Variants in TTLL6 observed in about 807,000 individuals in gnomAD.
The protein encoded by TTLL6 is tubulin tyrosine ligase like 6, also known as tubulin polyglutamylase TTLL6.
TTLL6 carries 75 observed loss-of-function variants against 96.4 expected under a neutral mutation model. The observed-to-expected ratio is 0.78, with a 90% CI of 0.65 to 0.94. TTLL6 has a LOEUF of 0.94. Among genes scored for constraint, TTLL6 ranks in the 40% least tolerant of loss-of-function variants. The pLI is 0.00. For synonymous variants in TTLL6, 411 were observed against 419.4 expected (o/e 0.98, Z 0.24); for missense variants, 1,030 against 1,093.0 (o/e 0.94, Z 0.81).
At position 48,798,124 on chromosome 17, in the gene TTLL6, T is replaced by C. The variant is rs550112674; in HGVS notation, c.769-920A>G. Among the ~76,000 whole-genome samples the C allele has an allele frequency of 2.0e-5, 3 of 149,358 alleles. No individual in the cohort carries two copies. In the East Asian group the frequency reaches 6.1e-4, roughly 30 times the overall value. Reference sequence around the variant, plus strand: ...CCCTGTCTCAAAAAAAATAAATAGATAAAAATTCTTTGATAGGCCAGGTGC... The same window carrying C: ...CCCTGTCTCAAAAAAAATAAATAGACAAAAATTCTTTGATAGGCCAGGTGC... On this transcript the variant is annotated intron_variant, in intron 6 of 15. Transcript: ENST00000393382.
At position 48,804,991 on chromosome 17, in the gene TTLL6, C is replaced by A; in HGVS notation, c.104G>T (p.Gly35Val). 6.4e-7 allele frequency: 1 copy of A among 1,550,984 alleles called. No homozygotes were observed. Among genetic ancestry groups the A allele is most frequent in the Admixed American group, 2.0e-5 (1 of 50,994 alleles). The change falls in exon 2 of 16, where the codon GGG becomes GTG. Residue 35 changes from glycine to valine, a missense_variant and splice_region_variant. Physicochemically the swap from Gly to Val is moderately radical, Grantham distance 109 (BLOSUM62 -3). Coordinates refer to ENST00000393382, the MANE Select transcript of TTLL6 (RefSeq NM_001130918.3). ...GGAGGCTCTGGGGAAATACCAGGCC[C>A]CTAGAGAGAGGGCAGAGGGAGCCGC... ...AGRDGGVGIA[G>V]AWYFPRASSQ...
In TTLL6 at chr17:48,801,605, C is replaced by T; in HGVS notation, c.400G>A (p.Gly134Arg). The T allele has an allele frequency of 6.4e-7, 1 of 1,551,778 alleles. No homozygotes were observed. The highest frequency in any genetic ancestry group is 8.7e-7 in the Non-Finnish European group (1 of 1,147,012). Residue 134 changes from glycine to arginine, a missense_variant, in exon 4 of 16, where the codon GGG becomes AGG. Physicochemically the swap from Gly to Arg is moderately radical, Grantham distance 125 (BLOSUM62 -2). Transcript: ENST00000393382. ...AAQQYGFREG[G>R]EDDDWTLYWT... ...TAGAGAGTCCAGTCATCGTCTTCCC[C>T]TCCCTCTCTAAAGCCGTACTGTTGG...
At chr17:48,782,798 C>T (rs1231491257) in intron 13 of TTLL6, among the ~76,000 whole-genome samples, 1 of 152,008 alleles carries the variant, frequency 6.6e-6, no homozygotes, top group Non-Finnish European at 1.5e-5. Flanking sequence ...ATTGCAACCT[C>T]CGCCTCCTGG....
At position 48,811,605 on chromosome 17, in the gene TTLL6, G is replaced by A. The variant is rs561191460; in HGVS notation, c.103+5365C>T. ...TATATGCCTGACCCTATAGACATCT[G>A]AATTTATACCAGTTCTGCTCTAGTA... On this transcript the variant is annotated intron_variant, in intron 1 of 15. Transcript: ENST00000393382. Among the ~76,000 whole-genome samples, 464 of 151,388 alleles carry A rather than the reference G, an allele frequency of 3.1e-3. 2 individuals carry two copies. Among genetic ancestry groups the A allele is most frequent in the African/African-American group, 0.011 (444 of 41,284 alleles).
chr17:48,816,975 A>C lies in TTLL6; in HGVS notation c.98T>G (p.Ile33Ser), dbSNP rs1254723015. The part of the protein sequence containing the change: ...SPAGRDGGVG[I>S]AGAWYFPRAS... ...GGGCTTTGGGGCGCTCTTACCCGCAATTCCTACTCCCCCGTCTCGCCCCGC... is the reference window on the plus strand; with the variant it reads ...GGGCTTTGGGGCGCTCTTACCCGCACTTCCTACTCCCCCGTCTCGCCCCGC... The change falls in exon 1 of 16, where the codon ATT (isoleucine) becomes AGT (serine). Residue 33 changes from isoleucine to serine, a missense_variant. Transcript: ENST00000393382. 6.5e-7 allele frequency: 1 copy of C among 1,533,728 alleles called. No homozygotes were observed. Among genetic ancestry groups the C allele is most frequent in the Admixed American group, 2.0e-5 (1 of 49,018 alleles).
At chr17:48,767,695 A>G (rs1337455417) in intron 15 of TTLL6, among the ~76,000 whole-genome samples, 1 of 152,166 alleles carries the variant, frequency 6.6e-6, no homozygotes, top group Non-Finnish European at 1.5e-5. Flanking sequence ...TTAATTCCAC[A>G]GCTCTATGTT....
chr17:48,800,745 C>T (rs192455609), intron 5 of TTLL6, among the ~76,000 whole-genome samples: 8 of 152,202 alleles, frequency 5.3e-5, no homozygotes, highest in Non-Finnish European at 5.9e-5. Flanking sequence ...TCCTGTTCCT[C>T]GGTGGTGTGG....
At chr17:48,798,356 C>T (rs1371896227) in intron 6 of TTLL6, among the ~76,000 whole-genome samples, 2 of 152,126 alleles carry the variant, frequency 1.3e-5, no homozygotes, top group Non-Finnish European at 2.9e-5. Context: ...CACTTGAGGT[C>T]AGGAGTTTGA....
At chr17:48,797,014 A>C in intron 7 of TTLL6, 47 bp downstream of exon 7, 1 of 1,450,474 alleles carries the variant, frequency 6.9e-7, no homozygotes, top group Admixed American at 2.7e-5. Flanking sequence ...TTTTTTTTTT[A>C]ATCACGCTAT....
chr17:48,801,188 C>G (rs2143440292), intron 5 of TTLL6, 67 bp downstream of exon 5: 1 of 1,450,868 alleles, frequency 6.9e-7, no homozygotes. Flanking sequence ...ACCAGGGAAT[C>G]GGGGGCAAGA....
chr17:48,801,424 A>G (rs1412196135), intron 4 of TTLL6, 39 bp from the exon 5 acceptor site: 1 of 1,551,428 alleles, frequency 6.4e-7, no homozygotes, highest in Admixed American at 2.0e-5. Context: ...ATCGAGGGAC[A>G]TGGGAGTACT....
rs1350640971 is a variant in TTLL6, at chr17:48,762,703, T to C, written c.*271A>G. ...TGTGAAGAACCCAGAGAAGTGCCACTGGTACGGCAACTGGAGTGTGTCCTG... is the reference window on the plus strand; with the variant it reads ...TGTGAAGAACCCAGAGAAGTGCCACCGGTACGGCAACTGGAGTGTGTCCTG... On this transcript the variant is annotated 3_prime_UTR_variant, in exon 16 of 16. Coordinates refer to ENST00000393382, the MANE Select transcript of TTLL6 (RefSeq NM_001130918.3). The C allele has an allele frequency of 3.8e-6, 1 of 266,364 alleles. No individual in the cohort carries two copies. Among genetic ancestry groups the C allele is most frequent in the Non-Finnish European group, 7.4e-6 (1 of 134,602 alleles). 16.5% of individuals were successfully genotyped at this position (266,364 alleles called of 1,614,324 possible).
chr17:48,784,952 A>G lies in TTLL6; in HGVS notation c.2011T>C (p.Ser671Pro). The change falls in exon 13 of 16, where the codon TCT becomes CCT. Residue 671 changes from serine (S) to proline (P), a missense_variant. Coordinates refer to ENST00000393382, the MANE Select transcript of TTLL6 (RefSeq NM_001130918.3). ...NFSIKEAKSASAVNVFTGTVH... is the reference protein window; with the variant it reads ...NFSIKEAKSAPAVNVFTGTVH... ...GTGCCAGTGAATACGTTCACTGCAG[A>G]GGCAGACTTGGCCTCCTTGATGCTG... 17 of 1,614,142 alleles carry G rather than the reference A, an allele frequency of 1.1e-5. No individual in the cohort carries two copies. The highest frequency in any genetic ancestry group is 1.4e-5 in the Non-Finnish European group (16 of 1,180,024).
intron 15 of TTLL6, among the ~76,000 whole-genome samples, chr17:48,767,614 C>T (rs952076209): frequency 6.6e-6 from 1 of 152,156 alleles, no homozygotes; most frequent in African/African-American, 2.4e-5. Context: ...GTAAGCTTTG[C>T]GTGGCAGGGT....
rs769859922 is a variant in TTLL6 at position 48,771,645 on chromosome 17, A to T, written c.2041-1548T>A. ...AGACCCTGACTAAAATATATATATA[A>T]AATGTGTATATATACACATTAGTGT... On this transcript the variant is annotated intron_variant, in intron 13 of 15. Coordinates refer to ENST00000393382, the MANE Select transcript of TTLL6 (RefSeq NM_001130918.3). 3.4e-5 allele frequency among the ~76,000 whole-genome samples: 5 copies of T among 148,256 alleles called. No individual in the cohort carries two copies. The South Asian group carries it at 6.3e-4, about 19-fold the overall frequency.
chr17:48,787,907 G>A lies in TTLL6; in HGVS notation c.1493C>T (p.Pro498Leu). The change falls in exon 11 of 16, where the codon CCC (proline) becomes CTC (leucine). Residue 498 changes from proline (P) to leucine (L), a missense_variant. By Grantham distance (98) the Pro-to-Leu change is moderately conservative. Transcript: ENST00000393382. ...ENCGGFRLIYPSLNSEKYEKF... is the reference protein window; with the variant it reads ...ENCGGFRLIYLSLNSEKYEKF... Reference sequence around the variant, plus strand: ...CTCATACTTCTCCGAATTCAGACTGGGATAAATCAGTCGGAACCCTCCACA... The same window carrying A: ...CTCATACTTCTCCGAATTCAGACTGAGATAAATCAGTCGGAACCCTCCACA... The A allele has an allele frequency of 6.2e-7, 1 of 1,614,098 alleles. No individual in the cohort carries two copies. Among genetic ancestry groups the A allele is most frequent in the Non-Finnish European group, 8.5e-7 (1 of 1,179,976 alleles).
intron 13 of TTLL6, among the ~76,000 whole-genome samples, chr17:48,781,805 G>A (rs2038991931): frequency 6.6e-6 from 1 of 152,088 alleles, no homozygotes; most frequent in African/African-American, 2.4e-5. Context: ...TAGTGGAAAG[G>A]GCAGAACCCT....
intron 10 of TTLL6, among the ~76,000 whole-genome samples, chr17:48,789,369 C>T (rs1397019722): frequency 1.3e-5 from 2 of 152,094 alleles, no homozygotes; most frequent in Non-Finnish European, 2.9e-5. Context: ...TAATAGCCTT[C>T]GATATATATT....
At chr17:48,806,594 TAATAC>T (rs1246222091) in intron 1 of TTLL6, among the ~76,000 whole-genome samples, 2 of 152,144 alleles carry the variant, frequency 1.3e-5, no homozygotes, top group Admixed American at 1.3e-4. Flanking sequence ...AAAAAGATAA[TAATAC>T]ATTACAATGT....
Sources: allele counts gnomAD v4.1 joint callset (sites outside exome capture counted in the v4.1 genomes callset), GRCh38; gene constraint gnomAD v4.1.1; transcripts MANE v1.5; gene names NCBI Gene and HGNC (gene_info 2026-07-23, HGNC 2026-07-21).